HIGD1B: variants seen among roughly 807,000 people sequenced by gnomAD.
HIGD1B encodes the protein HIG1 domain family member 1B.
Under a neutral mutation model 8.8 loss-of-function variants are expected in HIGD1B, and 9 were observed. The observed-to-expected ratio is 1.02, with a 90% CI of 0.62 to 1.78. The LOEUF (loss-of-function observed/expected upper bound fraction) is 1.78, where lower values mean the gene tolerates loss of function less well. Among genes scored for constraint, HIGD1B ranks in the 40% most tolerant of loss-of-function variants. HIGD1B has a pLI of 0.00. For synonymous variants in HIGD1B, 47 were observed against 38.8 expected, an observed-to-expected ratio of 1.21 and a Z score of -0.78; for missense variants, 126 against 111.8, an observed-to-expected ratio of 1.13 and a Z score of -0.57.
chr17:44,847,301 C>T (rs370566158), upstream of HIGD1B, among the ~76,000 whole-genome samples: 366 of 151,894 alleles, frequency 2.4e-3, 1 homozygote, highest in African/African-American at 8.1e-3. Context: ...GGCGCGGTGG[C>T]GGGCGCCTGT....
In HIGD1B at chr17:44,850,405, T is replaced by A. The variant is rs767506308; in HGVS notation, c.*9T>A. On this transcript the variant is annotated 3_prime_UTR_variant, in exon 3 of 3. Transcript: ENST00000253410. ...ATGCTGGAGAGAAGTAGGACTCCTA[T>A]AGGAGCCGGGGCTGTCCAACTCCCC... The A allele has an allele frequency of 5.6e-6, 9 of 1,608,086 alleles. No individual in the cohort carries two copies. Among genetic ancestry groups the A allele is most frequent in the Non-Finnish European group, 7.7e-6 (9 of 1,175,702 alleles).
Position 44,850,354 on chromosome 17 carries a change from C to T in HIGD1B, c.258C>T (p.Ser86=), listed in dbSNP as rs371636174. ...CAGGTGCTGTGTACACAATGTACAG[C>T]GATTACGTCAAGAGGATGGCACAGG... ...IMLGAVYTMY[S]DYVKRMAQDA... The change falls in exon 3 of 3, where the codon AGC becomes AGT. Residue 86 remains serine (S), a synonymous_variant. Transcript: ENST00000253410. 23 of 1,613,208 alleles carry T rather than the reference C, an allele frequency of 1.4e-5. No homozygotes were observed. The South Asian group carries it at 1.8e-4, about 12-fold the overall frequency.
At chr17:44,850,307 G>A (rs766141544) in intron 2 of HIGD1B, 25 bp from the exon 3 acceptor site, 10 of 1,597,072 alleles carry the variant, frequency 6.3e-6, no homozygotes, top group Non-Finnish European at 8.6e-6. Flanking sequence ...ATGCCAAGGG[G>A]CATTATTTCT....
At chr17:44,847,181 C>T (rs1292645384), upstream of HIGD1B, among the ~76,000 whole-genome samples, 2 of 152,078 alleles carry the variant, frequency 1.3e-5, no homozygotes, top group African/African-American at 4.8e-5. Context: ...CGCCTGTAAT[C>T]CCAGCACTTT....
At chr17:44,849,075 C>G (rs1013897030) in intron 1 of HIGD1B, 179 bp from the exon 2 acceptor site, 1 of 622,648 alleles carries the variant, frequency 1.6e-6, no homozygotes, top group Non-Finnish European at 2.6e-6. Flanking sequence ...CATGCCCCGG[C>G]AACAACTCAA....
Position 44,849,382 on chromosome 17 carries a change from A to G in HIGD1B, c.229A>G (p.Met77Val), listed in dbSNP as rs773676549. 1.2e-6 allele frequency: 2 copies of G among 1,614,116 alleles called. No homozygotes were observed. Among genetic ancestry groups the G allele is most frequent in the Non-Finnish European group, 1.7e-6 (2 of 1,179,980 alleles). The change falls in exon 2 of 3, where the codon ATG (methionine) becomes GTG (valine). Residue 77 changes from methionine (M) to valine (V), a missense_variant. Coordinates refer to ENST00000253410, the MANE Select transcript of HIGD1B (RefSeq NM_016438.4). The stretch of plus-strand genomic sequence containing the variant: ...GCAGGCCTGTGCAGTGGGTGCAATC[A>G]TGCTAGGTGAGTAGCTTTGTGGGGT... ...AAQACAVGAI[M>V]LGAVYTMYSD... is the part of the protein sequence containing the mutation.
In HIGD1B at chr17:44,849,317, C is replaced by A; in HGVS notation, c.164C>A (p.Thr55Asn). Reference protein sequence around the residue: ...RIYRLRSRGSTKMSIHLIHTR... With the variant: ...RIYRLRSRGSNKMSIHLIHTR... ...TACCGGCTGAGGTCTCGTGGTTCCA[C>A]CAAGATGTCCATACACCTGATTCAC... The change falls in exon 2 of 3, where the codon ACC becomes AAC. Residue 55 changes from threonine (T) to asparagine (N), a missense_variant. By Grantham distance (65) the Thr-to-Asn change is moderately conservative. Coordinates refer to ENST00000253410, the MANE Select transcript of HIGD1B (RefSeq NM_016438.4). The A allele has an allele frequency of 6.2e-7, 1 of 1,614,100 alleles. No homozygotes were observed. The highest frequency in any genetic ancestry group is 8.5e-7 in the Non-Finnish European group (1 of 1,180,016).
At chr17:44,849,893 G>A in intron 2 of HIGD1B, 1 of 182,976 alleles carries the variant, frequency 5.5e-6, no homozygotes, top group Non-Finnish European at 1.2e-5. Flanking sequence ...TGTGGGGACA[G>A]TGTCTCATGA....
At chr17:44,849,099 C>T (rs775492892) in intron 1 of HIGD1B, 155 bp from the exon 2 acceptor site, 15 of 733,980 alleles carry the variant, frequency 2.0e-5, no homozygotes, top group East Asian at 2.0e-4. Flanking sequence ...TCTAATGATC[C>T]CCCTAGGTCC....
chr17:44,846,185 C>A (rs1486954241), upstream of HIGD1B, among the ~76,000 whole-genome samples: 1 of 152,146 alleles, frequency 6.6e-6, no homozygotes, highest in Non-Finnish European at 1.5e-5. Context: ...TCCATTTGGT[C>A]TTTCCTTACT....
chr17:44,848,990 G>C (rs2050370243), intron 1 of HIGD1B: 1 of 369,376 alleles, frequency 2.7e-6, no homozygotes, highest in Non-Finnish European at 5.0e-6. Context: ...GGTCAGGCTG[G>C]TCTCAAACTC....
chr17:44,847,908 G>C lies in HIGD1B; in HGVS notation c.-245G>C. Reference sequence around the variant, plus strand: ...AGTGAAGACAGAATGAGCTGGGGAAGAGGCAGATGGTAGGAAATGGAGACG... The same window carrying C: ...AGTGAAGACAGAATGAGCTGGGGAACAGGCAGATGGTAGGAAATGGAGACG... On this transcript the variant is annotated 5_prime_UTR_variant, in exon 1 of 3. Coordinates refer to ENST00000253410, the MANE Select transcript of HIGD1B (RefSeq NM_016438.4). The C allele has an allele frequency of 2.4e-6, 1 of 411,840 alleles. No individual in the cohort carries two copies. The highest frequency in any genetic ancestry group is 4.4e-6 in the Non-Finnish European group (1 of 226,146). The allele number at this position is 411,840 out of a possible 1,614,324, so 25.5% of individuals were successfully genotyped here.
Position 44,849,363 on chromosome 17 carries a change from C to A in HIGD1B, c.210C>A (p.Ala70=), listed in dbSNP as rs200743941. 3.7e-4 allele frequency: 603 copies of A among 1,614,004 alleles called. 1 individual carries two copies. The highest frequency in any genetic ancestry group is 4.8e-4 in the Non-Finnish European group (567 of 1,180,006). Reference sequence around the variant, plus strand: ...TTCACACCCGAGTGGCAGCGCAGGCCTGTGCAGTGGGTGCAATCATGCTAG... The same window carrying A: ...TTCACACCCGAGTGGCAGCGCAGGCATGTGCAGTGGGTGCAATCATGCTAG... ...HLIHTRVAAQ[A]CAVGAIMLGA... The change falls in exon 2 of 3, where the codon GCC becomes GCA. Residue 70 remains alanine (A), a synonymous_variant. Transcript: ENST00000253410.
Position 44,848,172 on chromosome 17 carries a change from G to A in HIGD1B, c.20G>A (p.Trp7Ter). 1 of 872,822 alleles carries A rather than the reference G, an allele frequency of 1.1e-6. No homozygotes were observed. Among genetic ancestry groups the A allele is most frequent in the Non-Finnish European group, 2.0e-6 (1 of 501,644 alleles). 54.1% of individuals were successfully genotyped at this position (872,822 alleles called of 1,614,324 possible). ...AGGATTATGTCTGCTAACAGACGCTGGTGGGTACCACCTGACGACGAAGAC... is the reference window on the plus strand; with the variant it reads ...AGGATTATGTCTGCTAACAGACGCTAGTGGGTACCACCTGACGACGAAGAC... MSANRR[W>*]WVPPDDEDCV... The change falls in exon 1 of 3, where the codon TGG (tryptophan) becomes TAG (stop). Residue 7 changes from tryptophan (W) to a stop codon, truncating the protein, a stop_gained. Coordinates refer to ENST00000253410, the MANE Select transcript of HIGD1B (RefSeq NM_016438.4). LOFTEE classifies it high-confidence loss of function.
chr17:44,850,464 G>C lies in HIGD1B; in HGVS notation c.*68G>C, dbSNP rs572488464. On this transcript the variant is annotated 3_prime_UTR_variant, in exon 3 of 3. Coordinates refer to ENST00000253410, the MANE Select transcript of HIGD1B (RefSeq NM_016438.4). ...TCCCTGGTACATTCCTAATAAAGCA[G>C]TTTTGAGGAAAATCAACAGACTCTT... The C allele has an allele frequency of 2.9e-5, 35 of 1,209,620 alleles. No homozygotes were observed. In the African/African-American group the frequency reaches 3.9e-4, roughly 13 times the overall value. 74.9% of individuals were successfully genotyped at this position (1,209,620 alleles called of 1,614,324 possible). A position where few individuals can be genotyped will look rare whatever the true frequency, so the allele number is the denominator to read the frequency against.
chr17:44,850,170 G>C, intron 2 of HIGD1B, 162 bp from the exon 3 acceptor site: 1 of 586,046 alleles, frequency 1.7e-6, no homozygotes, highest in South Asian at 2.1e-5. Flanking sequence ...CAGGTTGTGT[G>C]GTCAGATGCT....
rs1071682 is a variant in HIGD1B at position 44,850,353 on chromosome 17, G to A, written c.257G>A (p.Ser86Asn). 0.34 allele frequency: 544,382 copies of A among 1,609,674 alleles called. 96,044 individuals carry two copies. The highest frequency in any genetic ancestry group is 0.43 in the Middle Eastern group (2,613 of 6,026). ...ACAGGTGCTGTGTACACAATGTACA[G>A]CGATTACGTCAAGAGGATGGCACAG... ...IMLGAVYTMY[S>N]DYVKRMAQDA... The change falls in exon 3 of 3, where the codon AGC (serine) becomes AAC (asparagine). Residue 86 changes from serine (S) to asparagine (N), a missense_variant. Coordinates refer to ENST00000253410, the MANE Select transcript of HIGD1B (RefSeq NM_016438.4).
At chr17:44,847,358 G>A (rs915547519), upstream of HIGD1B, among the ~76,000 whole-genome samples, 19 of 152,132 alleles carry the variant, frequency 1.2e-4, no homozygotes, top group Admixed American at 2.6e-4. Flanking sequence ...GCGTGAACCC[G>A]GGAAGCGGAG....
At position 44,850,352 on chromosome 17, in the gene HIGD1B, A is replaced by T. The variant is rs958948210; in HGVS notation, c.256A>T (p.Ser86Cys). Residue 86 changes from serine (S) to cysteine (C), a missense_variant, in exon 3 of 3, where the codon AGC becomes TGC. By Grantham distance (112) the Ser-to-Cys change is moderately radical. Transcript: ENST00000253410. Reference protein sequence around the residue: ...IMLGAVYTMYSDYVKRMAQDA... With the variant: ...IMLGAVYTMYCDYVKRMAQDA... ...CACAGGTGCTGTGTACACAATGTAC[A>T]GCGATTACGTCAAGAGGATGGCACA... is the stretch of plus-strand genomic sequence containing the variant. 2 of 1,613,290 alleles carry T rather than the reference A, an allele frequency of 1.2e-6. No homozygotes were observed. Among genetic ancestry groups the T allele is most frequent in the Non-Finnish European group, 1.7e-6 (2 of 1,179,620 alleles).
Sources: gnomAD v4.1 joint callset for allele counts (sites outside exome capture counted in the v4.1 genomes callset) on GRCh38, gnomAD v4.1.1 for gene constraint, MANE v1.5 for transcripts, NCBI Gene and HGNC (gene_info 2026-07-23, HGNC 2026-07-21) for gene names.